Variants in ERC2 observed in about 807,000 individuals in gnomAD.
ERC2 encodes ELKS/RAB6-interacting/CAST family member 2.
A neutral mutation model predicts 114.8 loss-of-function variants in ERC2; 42 were observed. The ratio of observed to expected loss-of-function variants is 0.37; its 90% CI spans 0.29 to 0.47. The LOEUF (loss-of-function observed/expected upper bound fraction) is 0.47. Among genes scored for constraint, ERC2 ranks in the 20% least tolerant of loss-of-function variants. The probability of loss-of-function intolerance (pLI) is 0.99; values close to 1 mark genes in which losing one functional copy is unlikely to be tolerated. For synonymous variants in ERC2, 454 were observed against 425.5 expected, an observed-to-expected ratio of 1.07 and a Z score of -0.82; for missense variants, 939 against 1,150.7, an observed-to-expected ratio of 0.82 and a Z score of 2.66.
At chr3:56,166,494 G>A (rs991732778) in intron 4 of ERC2, among the ~76,000 whole-genome samples, 3 of 151,928 alleles carry the variant, frequency 2.0e-5, no homozygotes, top group Admixed American at 6.6e-5. Flanking sequence ...AGCCATCTGG[G>A]CCTCTAATTG....
chr3:56,286,051 T>C (rs1381631578), intron 3 of ERC2, among the ~76,000 whole-genome samples: 2 of 152,156 alleles, frequency 1.3e-5, no homozygotes, highest in East Asian at 3.9e-4. Context: ...GTGCAGACTT[T>C]CGTGATAACT....
intron 5 of ERC2, among the ~76,000 whole-genome samples, chr3:56,140,295 T>G (rs756278407): frequency 1.6e-4 from 24 of 152,260 alleles, no homozygotes; most frequent in Middle Eastern, 3.4e-3. Context: ...CTCCCCCCAT[T>G]TGGAAATAAT....
At chr3:56,251,150 C>T (rs2052124015) in intron 3 of ERC2, among the ~76,000 whole-genome samples, 1 of 152,086 alleles carries the variant, frequency 6.6e-6, no homozygotes, top group Admixed American at 6.6e-5. Context: ...AAGAAGTTTC[C>T]CAACTGCCAC....
intron 14 of ERC2, among the ~76,000 whole-genome samples, chr3:55,825,647 T>G (rs887452033): frequency 6.6e-6 from 1 of 152,222 alleles, no homozygotes; most frequent in Admixed American, 6.5e-5. Flanking sequence ...AGAACCATTA[T>G]TAATGTATAA....
chr3:55,926,414 T>TAA lies in ERC2; in HGVS notation c.2403+24010_2403+24011insTT, dbSNP rs148370132. Among the ~76,000 whole-genome samples the TAA allele has an allele frequency of 6.5e-3, 477 of 73,158 alleles. 10 individuals carry two copies. The highest frequency in any genetic ancestry group is 0.042 in the East Asian group (95 of 2,262). The allele number at this position is 73,158 out of a possible 152,430, so 48.0% of individuals were successfully genotyped here. On this transcript the variant is annotated intron_variant, in intron 13 of 17. Transcript: ENST00000288221. ...AGAGCTTGTTTTTTGTTTTTTGTTT[T>TAA]TAAAAAAAAAAAAACTAAAAGATCG...
At chr3:55,994,207 G>GT (rs1553766304) in intron 10 of ERC2, among the ~76,000 whole-genome samples, 4 of 152,190 alleles carry the variant, frequency 2.6e-5, no homozygotes, top group Admixed American at 6.5e-5. Context: ...AAGAATTAAT[G>GT]ACTGAGTAAT....
intron 2 of ERC2, among the ~76,000 whole-genome samples, chr3:56,388,476 C>A (rs149389530): frequency 5.9e-5 from 9 of 152,280 alleles, no homozygotes; most frequent in African/African-American, 2.2e-4. Context: ...TCTTGTACAA[C>A]CCGTGGAACA....
At chr3:56,385,475 A>G (rs146691162) in intron 2 of ERC2, among the ~76,000 whole-genome samples, 186 of 152,278 alleles carry the variant, frequency 1.2e-3, no homozygotes, top group African/African-American at 4.0e-3. Flanking sequence ...GCCAGCATTA[A>G]TGATTTCCCC....
intron 14 of ERC2, among the ~76,000 whole-genome samples, chr3:55,841,012 G>A: frequency 6.6e-6 from 1 of 152,068 alleles, no homozygotes; most frequent in Non-Finnish European, 1.5e-5. Flanking sequence ...GGAAATTTGG[G>A]GTAGTAATGG....
chr3:55,875,797 A>G lies in ERC2; in HGVS notation c.2564+12592T>C, dbSNP rs536295188. Among the ~76,000 whole-genome samples, 6 of 152,260 alleles carry G rather than the reference A, an allele frequency of 3.9e-5. No homozygotes were observed. In the East Asian group the frequency reaches 1.2e-3, roughly 29 times the overall value. ...TGCCTCCTGCCCAAAAGTCAAAATT[A>G]CAATCTAGCAAGATAACCATGCTGA... On this transcript the variant is annotated intron_variant, in intron 14 of 17. Transcript: ENST00000288221.
At chr3:55,640,267 C>T (rs930819566) in intron 17 of ERC2, among the ~76,000 whole-genome samples, 32 of 152,216 alleles carry the variant, frequency 2.1e-4, no homozygotes, top group African/African-American at 6.5e-4. Flanking sequence ...GGTTTTTCTA[C>T]AAGGCTCACA....
intron 17 of ERC2, among the ~76,000 whole-genome samples, chr3:55,537,360 C>T (rs2054065811): frequency 6.6e-6 from 1 of 152,212 alleles, no homozygotes. Context: ...AGAAAAGCAT[C>T]TAGAATATCA....
At chr3:55,894,024 T>C (rs1020563484) in intron 13 of ERC2, among the ~76,000 whole-genome samples, 20 of 152,258 alleles carry the variant, frequency 1.3e-4, no homozygotes, top group African/African-American at 4.6e-4. Flanking sequence ...AAACACTTAG[T>C]ATATTCTTAA....
At chr3:56,143,712 C>A (rs1168445721) in intron 5 of ERC2, among the ~76,000 whole-genome samples, 1 of 152,196 alleles carries the variant, frequency 6.6e-6, no homozygotes, top group African/African-American at 2.4e-5. Context: ...ATAACCCATG[C>A]TCTACTTATC....
At chr3:55,775,537 A>AAAATAAAT (rs10659476) in intron 14 of ERC2, among the ~76,000 whole-genome samples, 31,322 of 132,936 alleles carry the variant, frequency 0.24, 3,941 homozygotes, top group East Asian at 0.46. Context: ...ACCCTGTCTC[A>AAAATAAAT]AAATAAATAA....
intron 6 of ERC2, among the ~76,000 whole-genome samples, chr3:56,110,507 A>G (rs1220057839): frequency 6.6e-6 from 1 of 152,142 alleles, no homozygotes; most frequent in Admixed American, 6.6e-5. Context: ...AAATTTAAAA[A>G]CTCAAAACCC....
At chr3:55,955,018 A>G (rs528956406) in intron 12 of ERC2, 1 of 401,556 alleles carries the variant, frequency 2.5e-6, no homozygotes, top group Non-Finnish European at 5.0e-6. Flanking sequence ...AGCCTTCAGG[A>G]TATACTGTTA....
At chr3:55,729,072 C>A (rs2065090430) in intron 15 of ERC2, among the ~76,000 whole-genome samples, 1 of 152,176 alleles carries the variant, frequency 6.6e-6, no homozygotes, top group East Asian at 1.9e-4. Context: ...ATGAGGGGAG[C>A]CCTCCCTGTT....
At chr3:56,095,235 C>CA (rs1381728704) in intron 6 of ERC2, among the ~76,000 whole-genome samples, 3 of 151,748 alleles carry the variant, frequency 2.0e-5, no homozygotes, top group African/African-American at 7.3e-5. Flanking sequence ...GGCTCAAAAA[C>CA]AAAAAGTATT....
Sources: allele counts gnomAD v4.1 joint callset (sites outside exome capture counted in the v4.1 genomes callset), GRCh38; gene constraint gnomAD v4.1.1; transcripts MANE v1.5; gene names NCBI Gene and HGNC (gene_info 2026-07-23, HGNC 2026-07-21).